The following NR5A2 variants were observed in gnomAD, a reference collection of about 807,000 sequenced individuals.
NR5A2 encodes nuclear receptor subfamily 5 group A member 2.
A neutral mutation model predicts 62.7 loss-of-function variants in NR5A2; 26 were observed. That is an observed-to-expected ratio of 0.41 (90% confidence interval 0.30 to 0.58). NR5A2 has a LOEUF of 0.58. Ranked by LOEUF, NR5A2 falls within the 20% of genes least tolerant of loss-of-function variation. NR5A2 has a pLI of 0.22. For synonymous variants in NR5A2, 246 were observed against 241.7 expected (o/e 1.02, Z -0.16); for missense variants, 541 against 669.1 (o/e 0.81, Z 2.11).
At chr1:200,056,498 C>T (rs1662922702) in intron 5 of NR5A2, among the ~76,000 whole-genome samples, 1 of 152,158 alleles carries the variant, frequency 6.6e-6, no homozygotes, top group Non-Finnish European at 1.5e-5. Context: ...ACTCCTCTCC[C>T]CACCCCAGTC....
At chr1:200,110,479 T>C (rs1665891446) in intron 5 of NR5A2, among the ~76,000 whole-genome samples, 1 of 152,236 alleles carries the variant, frequency 6.6e-6, no homozygotes, top group South Asian at 2.1e-4. Context: ...GCACTTTTCA[T>C]TGTAATCCTC....
intron 7 of NR5A2, among the ~76,000 whole-genome samples, chr1:200,168,266 C>T (rs1654004014): frequency 6.7e-6 from 1 of 149,136 alleles, no homozygotes; most frequent in Non-Finnish European, 1.5e-5. Context: ...GGCTGGAGTG[C>T]AGTGGCACAA....
At chr1:200,144,828 T>G (rs949561966) in intron 7 of NR5A2, among the ~76,000 whole-genome samples, 4 of 152,150 alleles carry the variant, frequency 2.6e-5, no homozygotes, top group Admixed American at 6.5e-5. Context: ...CGTGAGTAAG[T>G]CTTACCCAGG....
intron 7 of NR5A2, among the ~76,000 whole-genome samples, chr1:200,159,730 C>T (rs1228320338): frequency 6.6e-6 from 1 of 152,016 alleles, no homozygotes; most frequent in African/African-American, 2.4e-5. Flanking sequence ...CGGCTCACTG[C>T]AACCTCCACC....
chr1:200,173,586 AT>A (rs1654281969), intron 7 of NR5A2, among the ~76,000 whole-genome samples: 1 of 152,230 alleles, frequency 6.6e-6, no homozygotes, highest in African/African-American at 2.4e-5. Context: ...AATTATATGA[AT>A]TGTGTAATAT....
At chr1:200,070,519 A>G (rs553410200) in intron 5 of NR5A2, among the ~76,000 whole-genome samples, 2 of 152,150 alleles carry the variant, frequency 1.3e-5, no homozygotes, top group South Asian at 4.2e-4. Flanking sequence ...GTCTCTACAA[A>G]AAATTTAAAA....
At chr1:200,151,608 C>A (rs929935139) in intron 7 of NR5A2, among the ~76,000 whole-genome samples, 4 of 152,158 alleles carry the variant, frequency 2.6e-5, no homozygotes, top group Non-Finnish European at 5.9e-5. Flanking sequence ...GTATCATATT[C>A]TACATGGAAG....
At chr1:200,042,696 G>A in intron 2 of NR5A2, 4 of 502,370 alleles carry the variant, frequency 8.0e-6, no homozygotes, top group Non-Finnish European at 1.0e-5. Context: ...GGTCCCGGCT[G>A]CGCAGACCTG....
At chr1:200,121,054 TATA>T in intron 7 of NR5A2, 99 bp downstream of exon 7, 1 of 1,208,686 alleles carries the variant, frequency 8.3e-7, no homozygotes, top group East Asian at 2.4e-5. Context: ...GTTCTATCAA[TATA>T]ATGCCCTTCC....
chr1:200,093,928 G>A (rs749231200), intron 5 of NR5A2, among the ~76,000 whole-genome samples: 6 of 152,142 alleles, frequency 3.9e-5, no homozygotes, highest in South Asian at 2.1e-4. Context: ...AGGCTGAGGC[G>A]GGCGGATCAC....
chr1:200,081,115 A>G lies in NR5A2; in HGVS notation c.1111-30087A>G, dbSNP rs762936289. Reference sequence around the variant, plus strand: ...AATGAGGAGCATTAGCCGTCAAAAGAATCTGTTTTTCCACTTGTTGCTTGG... The same window carrying G: ...AATGAGGAGCATTAGCCGTCAAAAGGATCTGTTTTTCCACTTGTTGCTTGG... On this transcript the variant is annotated intron_variant, in intron 5 of 7. Transcript: ENST00000367362. 1.8e-4 allele frequency among the ~76,000 whole-genome samples: 27 copies of G among 152,192 alleles called. 1 individual carries two copies. Among genetic ancestry groups the G allele is most frequent in the Non-Finnish European group, 2.2e-4 (15 of 68,044 alleles).
chr1:200,144,231 T>TAAA (rs1667581022), intron 7 of NR5A2, among the ~76,000 whole-genome samples: 1 of 70,808 alleles, frequency 1.4e-5, no homozygotes, highest in African/African-American at 5.7e-5. Flanking sequence ...TCTCTCTCTC[T>TAAA]CTCACACACA....
chr1:200,169,005 G>A (rs943417655), intron 7 of NR5A2, among the ~76,000 whole-genome samples: 2 of 151,900 alleles, frequency 1.3e-5, no homozygotes, highest in African/African-American at 4.8e-5. Context: ...TGTGCAAAAC[G>A]GTACCTCTTT....
At chr1:200,049,054 T>C (rs538538529) in intron 5 of NR5A2, among the ~76,000 whole-genome samples, 1 of 152,294 alleles carries the variant, frequency 6.6e-6, no homozygotes, top group East Asian at 1.9e-4. Context: ...ACATAAAGTA[T>C]AGGAAACTCG....
chr1:200,106,466 T>C (rs1469565402), intron 5 of NR5A2, among the ~76,000 whole-genome samples: 1 of 152,232 alleles, frequency 6.6e-6, no homozygotes, highest in African/African-American at 2.4e-5. Context: ...TACACTCTCA[T>C]CTATAATATC....
intron 7 of NR5A2, among the ~76,000 whole-genome samples, chr1:200,133,648 TTATATA>T (rs564066894): frequency 1.3e-5 from 2 of 149,574 alleles, no homozygotes; most frequent in African/African-American, 4.9e-5. Flanking sequence ...CATATATACA[TTATATA>T]TATATGGTCA....
chr1:200,029,142 G>C (rs1349255773), intron 1 of NR5A2: 3 of 433,112 alleles, frequency 6.9e-6, no homozygotes, highest in South Asian at 1.6e-5. Flanking sequence ...AGTCCTTCCC[G>C]GCAGCTCCGC....
At position 200,074,721 on chromosome 1, in the gene NR5A2, G is replaced by A. The variant is rs1424886018; in HGVS notation, c.1110+25903G>A. On this transcript the variant is annotated intron_variant, in intron 5 of 7. Coordinates refer to ENST00000367362, the MANE Select transcript of NR5A2 (RefSeq NM_205860.3). ...CACTGCACTCCAGTCTGGGCGACAG[G>A]GCGAGAGTCCATCTCAAAAAAAAAA... Among the ~76,000 whole-genome samples the A allele has an allele frequency of 1.3e-4, 12 of 92,290 alleles. No homozygotes were observed. The Admixed American group carries it at 1.3e-3, about 10-fold the overall frequency. The allele number at this position is 92,290 out of a possible 152,430, so 60.5% of individuals were successfully genotyped here. A position where few individuals can be genotyped will look rare whatever the true frequency, so the allele number is the denominator to read the frequency against.
chr1:200,084,669 C>T lies in NR5A2; in HGVS notation c.1111-26533C>T, dbSNP rs192108981. 3.0e-4 allele frequency among the ~76,000 whole-genome samples: 45 copies of T among 152,230 alleles called. 1 individual carries two copies. In the East Asian group the frequency reaches 6.4e-3, roughly 22 times the overall value. Reference sequence around the variant, plus strand: ...TAAATCTCATAGATCTGCCATTATTCGTAATGAATAACAAGTTTTATCATG... The same window carrying T: ...TAAATCTCATAGATCTGCCATTATTTGTAATGAATAACAAGTTTTATCATG... On this transcript the variant is annotated intron_variant, in intron 5 of 7. Transcript: ENST00000367362.
Sources: gnomAD v4.1 joint callset for allele counts (sites outside exome capture counted in the v4.1 genomes callset) on GRCh38, gnomAD v4.1.1 for gene constraint, MANE v1.5 for transcripts, NCBI Gene and HGNC (gene_info 2026-07-23, HGNC 2026-07-21) for gene names.